Variants in MRPL48 observed in about 807,000 individuals in gnomAD.
MRPL48 encodes the protein mitochondrial ribosomal protein L48, also known as large ribosomal subunit protein mL48.
MRPL48 carries 16 observed loss-of-function variants against 32.9 expected under a neutral mutation model. That is an observed-to-expected ratio of 0.49 (90% CI 0.33 to 0.74). MRPL48 has a LOEUF of 0.74. Among genes scored for constraint, MRPL48 ranks in the 30% least tolerant of loss-of-function variants. The pLI is 0.02. For missense variants in MRPL48, 206 were observed against 245.3 expected (o/e 0.84, Z 1.07); for synonymous variants, 94 against 89.2 (o/e 1.05, Z -0.31).
intron 5 of MRPL48, chr11:73,851,066 A>G (rs2135068434): frequency 4.0e-6 from 2 of 503,408 alleles, no homozygotes; most frequent in South Asian, 3.0e-5. Flanking sequence ...GCTGGCATCA[A>G]TTTTCCCTAC....
chr11:73,814,661 C>T (rs149112263), intron 3 of MRPL48, among the ~76,000 whole-genome samples: 2,182 of 150,552 alleles, frequency 0.014, 37 homozygotes, highest in Non-Finnish European at 0.021. Flanking sequence ...TGCCATTGCA[C>T]TCAAGCCTAG....
intron 2 of MRPL48, 93 bp from the exon 3 acceptor site, chr11:73,808,220 T>C (rs917430983): frequency 1.6e-6 from 2 of 1,222,398 alleles, no homozygotes; most frequent in Admixed American, 4.2e-5. Context: ...ACAGCATTGA[T>C]GCATCTTTAG....
chr11:73,847,830 G>C (rs1048216662), intron 5 of MRPL48, among the ~76,000 whole-genome samples: 1 of 151,850 alleles, frequency 6.6e-6, no homozygotes, highest in Admixed American at 6.6e-5. Flanking sequence ...TCCACCCACC[G>C]TGACCTCCCA....
intron 4 of MRPL48, among the ~76,000 whole-genome samples, chr11:73,839,217 T>A (rs1424068542): frequency 6.6e-6 from 1 of 152,232 alleles, no homozygotes; most frequent in Non-Finnish European, 1.5e-5. Flanking sequence ...ATTGGCTTCC[T>A]GCTCTTGACA....
chr11:73,819,041 G>A (rs189196989), intron 3 of MRPL48, among the ~76,000 whole-genome samples: 24 of 152,316 alleles, frequency 1.6e-4, no homozygotes, highest in Admixed American at 1.4e-3. Context: ...TTATTGACAT[G>A]ACACAGGGGA....
chr11:73,807,466 A>G (rs966119644), intron 2 of MRPL48, among the ~76,000 whole-genome samples: 3 of 151,184 alleles, frequency 2.0e-5, no homozygotes, highest in African/African-American at 7.3e-5. Flanking sequence ...TCAGTCAACT[A>G]CTATTTGATA....
At chr11:73,860,829 T>G (rs961497256) in intron 6 of MRPL48, among the ~76,000 whole-genome samples, 2 of 152,220 alleles carry the variant, frequency 1.3e-5, no homozygotes, top group Non-Finnish European at 2.9e-5. Flanking sequence ...AACATTTTCC[T>G]CACCCTAAAA....
intron 7 of MRPL48, 27 bp from the exon 8 acceptor site, chr11:73,864,269 C>G: frequency 6.2e-7 from 1 of 1,604,900 alleles, no homozygotes; most frequent in Non-Finnish European, 8.5e-7. Flanking sequence ...CAGTAATTAC[C>G]GCTTATTTTC....
At chr11:73,851,076 C>T in intron 5 of MRPL48, 2 of 503,648 alleles carry the variant, frequency 4.0e-6, no homozygotes, top group East Asian at 1.1e-4. Flanking sequence ...ATTTTCCCTA[C>T]AAAGGAAGCT....
intron 4 of MRPL48, chr11:73,832,820 C>T (rs1304051470): frequency 1.3e-5 from 2 of 152,090 alleles, no homozygotes; most frequent in Non-Finnish European, 2.9e-5. Context: ...TCATTTATTT[C>T]TTGTAGCTCA....
intron 3 of MRPL48, among the ~76,000 whole-genome samples, chr11:73,809,896 G>T (rs1032455088): frequency 4.6e-5 from 7 of 152,204 alleles, no homozygotes; most frequent in Non-Finnish European, 1.0e-4. Flanking sequence ...TATTTTAGAA[G>T]ATGGCGGCAA....
intron 3 of MRPL48, among the ~76,000 whole-genome samples, chr11:73,814,309 T>G (rs559587711): frequency 1.3e-5 from 2 of 151,708 alleles, no homozygotes; most frequent in South Asian, 4.2e-4. Context: ...GGTGGGAGGA[T>G]TGCATGAGTC....
At chr11:73,791,879 C>T (rs1278859817) in intron 1 of MRPL48, among the ~76,000 whole-genome samples, 1 of 152,172 alleles carries the variant, frequency 6.6e-6, no homozygotes, top group Non-Finnish European at 1.5e-5. Context: ...TAATTCAGTG[C>T]TCCTTCCTTG....
intron 4 of MRPL48, among the ~76,000 whole-genome samples, chr11:73,835,014 G>T (rs1186061328): frequency 6.6e-6 from 1 of 150,950 alleles, no homozygotes; most frequent in Non-Finnish European, 1.5e-5. Context: ...AAATTTTTTT[G>T]TGGAGATGGG....
At chr11:73,838,316 C>T (rs565699964) in intron 4 of MRPL48, among the ~76,000 whole-genome samples, 1 of 152,258 alleles carries the variant, frequency 6.6e-6, no homozygotes, top group African/African-American at 2.4e-5. Flanking sequence ...TATGCTGTGC[C>T]CTGGCTCAGA....
At chr11:73,852,451 C>G (rs1477237968) in intron 5 of MRPL48, among the ~76,000 whole-genome samples, 3 of 142,984 alleles carry the variant, frequency 2.1e-5, no homozygotes, top group Admixed American at 6.9e-5. Context: ...GACAAAAGAT[C>G]TGAATAGACG....
Position 73,844,947 on chromosome 11 carries a change from C to T in MRPL48, c.342C>T (p.Cys114=). ...ATGCCCAGTATGTTCACAACCTCTG[C>T]AACTCTCTCTCCATTAAAGTCGAGG... ...ESYAQYVHNL[C]NSLSIKVEES... is the part of the protein sequence containing the mutation. The change falls in exon 5 of 8, where the codon TGC becomes TGT. Residue 114 remains cysteine, a synonymous_variant. Coordinates refer to ENST00000310614, the MANE Select transcript of MRPL48 (RefSeq NM_016055.6). The T allele has an allele frequency of 6.2e-7, 1 of 1,611,374 alleles. No homozygotes were observed.
intron 4 of MRPL48, among the ~76,000 whole-genome samples, chr11:73,841,789 A>G (rs2135047073): frequency 6.6e-6 from 1 of 152,334 alleles, no homozygotes; most frequent in East Asian, 1.9e-4. Flanking sequence ...TTCAAACATA[A>G]TAGATTTTAA....
intron 3 of MRPL48, among the ~76,000 whole-genome samples, chr11:73,815,658 T>C (rs1168212271): frequency 6.6e-6 from 1 of 152,030 alleles, no homozygotes; most frequent in Non-Finnish European, 1.5e-5. Context: ...CCAGCCTAAG[T>C]CTAGGACTAT....
Sources: allele counts gnomAD v4.1 joint callset (sites outside exome capture counted in the v4.1 genomes callset), GRCh38; gene constraint gnomAD v4.1.1; transcripts MANE v1.5; gene names NCBI Gene and HGNC (gene_info 2026-07-23, HGNC 2026-07-21).